Variants in RALGPS1 observed in about 807,000 individuals in gnomAD.
The protein encoded by RALGPS1 is ras-specific guanine nucleotide-releasing factor RalGPS1.
A neutral mutation model predicts 78.8 loss-of-function variants in RALGPS1; 19 were observed. That is an observed-to-expected ratio of 0.24 (90% CI 0.17 to 0.35). RALGPS1 has a LOEUF of 0.35. RALGPS1 is among the 10% of genes least tolerant of loss of function. The pLI is 1.00. For synonymous variants in RALGPS1, 228 were observed against 256.3 expected, an observed-to-expected ratio of 0.89 and a Z score of 1.06; for missense variants, 454 against 688.3, an observed-to-expected ratio of 0.66 and a Z score of 3.81.
chr9:127,106,829 G>A (rs1308971435), intron 8 of RALGPS1: 3 of 152,162 alleles, frequency 2.0e-5, no homozygotes, highest in African/African-American at 2.4e-5. Context: ...CAGTACTGGT[G>A]GTTATTTTTA....
At chr9:127,003,166 C>T (rs2043504066) in intron 4 of RALGPS1, among the ~76,000 whole-genome samples, 1 of 152,112 alleles carries the variant, frequency 6.6e-6, no homozygotes, top group South Asian at 2.1e-4. Context: ...GTCCAAAACA[C>T]CAAAAGCAAT....
chr9:127,089,723 A>G (rs945453072), intron 8 of RALGPS1, among the ~76,000 whole-genome samples: 1 of 152,230 alleles, frequency 6.6e-6, no homozygotes, highest in Non-Finnish European at 1.5e-5. Flanking sequence ...TATTTCCATA[A>G]AACTCTTGGC....
intron 4 of RALGPS1, among the ~76,000 whole-genome samples, chr9:126,993,781 T>C (rs1217724447): frequency 6.6e-6 from 1 of 152,046 alleles, no homozygotes; most frequent in Non-Finnish European, 1.5e-5. Flanking sequence ...GCACCCCCAG[T>C]AGGGGCGGAC....
chr9:126,969,388 T>A (rs890612548), intron 3 of RALGPS1, among the ~76,000 whole-genome samples: 1 of 152,198 alleles, frequency 6.6e-6, no homozygotes, highest in Non-Finnish European at 1.5e-5. Flanking sequence ...ACTATAGGCT[T>A]GTGCCACTGT....
chr9:127,061,087 T>C (rs2049175854), intron 7 of RALGPS1, among the ~76,000 whole-genome samples: 1 of 152,210 alleles, frequency 6.6e-6, no homozygotes. Context: ...ATGTGGCACA[T>C]GATGAAAGCT....
At chr9:126,976,498 C>G (rs562348377) in intron 3 of RALGPS1, among the ~76,000 whole-genome samples, 6 of 152,026 alleles carry the variant, frequency 3.9e-5, no homozygotes, top group Non-Finnish European at 8.8e-5. Context: ...TGTCAGGTGC[C>G]AGGAACGCTA....
chr9:127,137,552 C>T (rs2057486170), intron 8 of RALGPS1, among the ~76,000 whole-genome samples: 1 of 152,268 alleles, frequency 6.6e-6, no homozygotes, highest in Non-Finnish European at 1.5e-5. Context: ...TCCTGGGACA[C>T]AGCTGCAGCC....
In RALGPS1 at chr9:126,914,803, C is replaced by T. The variant is rs1343969515; in HGVS notation, c.-238C>T. 1 of 152,244 alleles carries T rather than the reference C, an allele frequency of 6.6e-6. No homozygotes were observed. Among genetic ancestry groups the T allele is most frequent in the Non-Finnish European group, 1.5e-5 (1 of 68,092 alleles). 9.4% of individuals were successfully genotyped at this position (152,244 alleles called of 1,614,324 possible). On this transcript the variant is annotated 5_prime_UTR_variant, in exon 1 of 19. Coordinates refer to ENST00000259351, the MANE Select transcript of RALGPS1 (RefSeq NM_014636.3). Reference sequence around the variant, plus strand: ...GCTCAGGCCCTGGAGCGGACGGTTCCTACTGCGGCTGGGCACCGGCTCCGC... The same window carrying T: ...GCTCAGGCCCTGGAGCGGACGGTTCTTACTGCGGCTGGGCACCGGCTCCGC...
intron 5 of RALGPS1, among the ~76,000 whole-genome samples, chr9:127,037,474 C>G (rs1217807774): frequency 6.6e-6 from 1 of 152,192 alleles, no homozygotes; most frequent in African/African-American, 2.4e-5. Context: ...GACTGAAACC[C>G]CAGCTCAAAC....
chr9:127,199,759 T>A (rs1173403382), intron 14 of RALGPS1, among the ~76,000 whole-genome samples: 3 of 152,106 alleles, frequency 2.0e-5, no homozygotes, highest in Non-Finnish European at 4.4e-5. Context: ...GTGAAGGGGG[T>A]ACCCCCACAG....
intron 8 of RALGPS1, among the ~76,000 whole-genome samples, chr9:127,119,453 G>A (rs2055812820): frequency 6.6e-6 from 1 of 152,198 alleles, no homozygotes; most frequent in Admixed American, 6.5e-5. Context: ...GTGAGAGGAA[G>A]TCAGGGGCTT....
At chr9:126,960,580 C>T (rs2038815115) in intron 1 of RALGPS1, among the ~76,000 whole-genome samples, 2 of 152,048 alleles carry the variant, frequency 1.3e-5, no homozygotes, top group African/African-American at 4.8e-5. Context: ...GGCCCTGTGA[C>T]TGAGGGACCT....
intron 14 of RALGPS1, among the ~76,000 whole-genome samples, chr9:127,209,602 G>A (rs2062124284): frequency 6.6e-6 from 1 of 152,176 alleles, no homozygotes; most frequent in Non-Finnish European, 1.5e-5. Context: ...CAGAGAGGAG[G>A]AGCCGATGGG....
At chr9:127,095,268 C>T (rs776923216) in intron 8 of RALGPS1, among the ~76,000 whole-genome samples, 5 of 152,030 alleles carry the variant, frequency 3.3e-5, no homozygotes, top group Non-Finnish European at 5.9e-5. Context: ...TGTGGTGGCA[C>T]GCACCTGTGA....
At chr9:127,005,182 C>T (rs2043718542) in intron 4 of RALGPS1, among the ~76,000 whole-genome samples, 1 of 152,196 alleles carries the variant, frequency 6.6e-6, no homozygotes, top group African/African-American at 2.4e-5. Context: ...TCTTAAAACT[C>T]ATTGCATGAA....
At chr9:126,984,735 C>G (rs1439084155) in intron 4 of RALGPS1, among the ~76,000 whole-genome samples, 1 of 152,210 alleles carries the variant, frequency 6.6e-6, no homozygotes, top group African/African-American at 2.4e-5. Context: ...TGATCCCACT[C>G]ATTTTTGATC....
chr9:127,093,871 G>T, intron 8 of RALGPS1: 1 of 1,614,138 alleles, frequency 6.2e-7, no homozygotes, highest in Non-Finnish European at 8.5e-7. Context: ...TCACCAGGTA[G>T]ATGGAGCTGG....
chr9:126,982,008 C>G (rs1447126735), intron 4 of RALGPS1, among the ~76,000 whole-genome samples: 4 of 152,186 alleles, frequency 2.6e-5, no homozygotes, highest in South Asian at 4.1e-4. Context: ...CAGGAATCCT[C>G]TGTTCCTTGC....
intron 1 of RALGPS1, 48 bp downstream of exon 1, chr9:126,915,023 C>T (rs2119334913): frequency 1.3e-5 from 2 of 148,512 alleles, no homozygotes; most frequent in African/African-American, 2.4e-5. Context: ...GTGAGAGGCG[C>T]GGCCGACGGG....
Sources: allele counts gnomAD v4.1 joint callset (sites outside exome capture counted in the v4.1 genomes callset), GRCh38; gene constraint gnomAD v4.1.1; transcripts MANE v1.5; gene names NCBI Gene and HGNC (gene_info 2026-07-23, HGNC 2026-07-21).